GBF1: variants seen among roughly 807,000 people sequenced by gnomAD.
The protein encoded by GBF1 is golgi brefeldin A resistant guanine nucleotide exchange factor 1.
Under a neutral mutation model 210.5 loss-of-function variants are expected in GBF1, and 114 were observed. The observed-to-expected ratio is 0.54, with a 90% CI of 0.47 to 0.63. The LOEUF is 0.63. GBF1 is among the 30% of genes least tolerant of loss of function. GBF1 has a pLI of 0.00. For synonymous variants in GBF1, 850 were observed against 889.2 expected, an observed-to-expected ratio of 0.96 and a Z score of 0.78; for missense variants, 1,851 against 2,357.7, an observed-to-expected ratio of 0.79 and a Z score of 4.45.
Position 102,259,822 on chromosome 10 carries a change from T to C in GBF1, c.97-228T>C, listed in dbSNP as rs2072959425. Among the ~76,000 whole-genome samples the C allele has an allele frequency of 2.0e-5, 3 of 152,340 alleles. 1 individual carries two copies. The South Asian group carries it at 6.2e-4, about 32-fold the overall frequency. On this transcript the variant is annotated intron_variant, in intron 2 of 39. Coordinates refer to ENST00000369983, the MANE Select transcript of GBF1 (RefSeq NM_001377137.1). Reference sequence around the variant, plus strand: ...TAGCTTGAGTGTTATGGTGATGATATAGATTAGCACTTAAGAATTCACTAT... The same window carrying C: ...TAGCTTGAGTGTTATGGTGATGATACAGATTAGCACTTAAGAATTCACTAT...
chr10:102,380,194 A>G, intron 36 of GBF1, 55 bp from the exon 37 acceptor site: 3 of 1,130,676 alleles, frequency 2.7e-6, no homozygotes, highest in Middle Eastern at 2.0e-4. Context: ...AGCCTCAGAG[A>G]GGGGTCCAGA....
the GBF1 span, among the ~76,000 whole-genome samples, chr10:102,239,962 A>G: frequency 6.6e-6 from 1 of 152,238 alleles, no homozygotes; most frequent in Non-Finnish European, 1.5e-5. Flanking sequence ...TCTGGATTCC[A>G]TGAGCCTCCT....
chr10:102,381,065 T>G lies in GBF1; in HGVS notation c.5174-62T>G, dbSNP rs565656271. On this transcript the variant is annotated intron_variant, in intron 38 of 39. Transcript: ENST00000369983. ...GTGGGTAGAAAGGCTGTTGGGTAGC[T>G]AGGGCTCTGCTGGAGAGAGAAAGCA... The G allele has an allele frequency of 4.9e-4, 763 of 1,542,562 alleles. 6 individuals are homozygous for G. The African/African-American group carries it at 9.5e-3, about 19-fold the overall frequency.
intron 3 of GBF1, among the ~76,000 whole-genome samples, chr10:102,308,500 A>C (rs2078120423): frequency 1.3e-5 from 2 of 152,318 alleles, no homozygotes; most frequent in South Asian, 4.1e-4. Flanking sequence ...GATAGACCGG[A>C]TTAAGAAAAT....
intron 4 of GBF1, among the ~76,000 whole-genome samples, chr10:102,346,322 T>C (rs960845375): frequency 6.6e-6 from 1 of 152,096 alleles, no homozygotes; most frequent in East Asian, 1.9e-4. Context: ...ATTTCTGAAC[T>C]TGGAATTTCT....
chr10:102,285,852 G>A (rs2075888940), intron 3 of GBF1, among the ~76,000 whole-genome samples: 1 of 151,632 alleles, frequency 6.6e-6, no homozygotes, highest in Admixed American at 6.6e-5. Context: ...TATATGTTGA[G>A]TGGTAGGTTT....
the GBF1 span, among the ~76,000 whole-genome samples, chr10:102,236,367 T>G: frequency 2.0e-5 from 3 of 152,200 alleles, no homozygotes; most frequent in Non-Finnish European, 1.5e-5. Flanking sequence ...ATAACAGTGA[T>G]GGTGAGTCCA....
intron 33 of GBF1, among the ~76,000 whole-genome samples, chr10:102,377,376 G>A (rs2060569205): frequency 1.3e-5 from 2 of 148,932 alleles, no homozygotes; most frequent in Admixed American, 6.7e-5. Context: ...TATTTTTTGA[G>A]ATGTAGTCTC....
chr10:102,318,614 C>A (rs1343733845), intron 3 of GBF1, among the ~76,000 whole-genome samples: 1 of 151,950 alleles, frequency 6.6e-6, no homozygotes, highest in Non-Finnish European at 1.5e-5. Context: ...ATTTTTATTT[C>A]TCTTTAGGTA....
chr10:102,305,750 T>C (rs2077805161), intron 3 of GBF1, among the ~76,000 whole-genome samples: 1 of 152,196 alleles, frequency 6.6e-6, no homozygotes, highest in Admixed American at 6.5e-5. Context: ...AGAAATAAAT[T>C]CGAGTCCTTT....
chr10:102,369,737 C>T lies in GBF1; in HGVS notation c.3177C>T (p.Gly1059=), dbSNP rs998615247. 1.2e-6 allele frequency: 2 copies of T among 1,614,014 alleles called. No homozygotes were observed. The highest frequency in any genetic ancestry group is 1.3e-5 in the African/African-American group (1 of 74,930). ...TAGAAGATTTCGTGGATCCCAATGG[C>T]AAGATCTCTCTACAGCGGGAAGAGA... ...IEVEDFVDPN[G]KISLQREETP... is the part of the protein sequence containing the mutation. The change falls in exon 25 of 40, where the codon GGC becomes GGT. Residue 1059 remains glycine, a synonymous_variant. Coordinates refer to ENST00000369983, the MANE Select transcript of GBF1 (RefSeq NM_001377137.1).
the GBF1 span, among the ~76,000 whole-genome samples, chr10:102,239,883 T>A: frequency 1.2e-4 from 19 of 152,160 alleles, no homozygotes; most frequent in Non-Finnish European, 2.6e-4. Flanking sequence ...ACCCGGCTGT[T>A]AGGTAGGGCC....
chr10:102,254,287 T>G (rs911653851), intron 1 of GBF1, among the ~76,000 whole-genome samples: 2 of 152,184 alleles, frequency 1.3e-5, no homozygotes, highest in Non-Finnish European at 2.9e-5. Flanking sequence ...TTGTCCCAGC[T>G]ACCCAAGAGG....
intron 3 of GBF1, among the ~76,000 whole-genome samples, chr10:102,274,178 C>T (rs1405373522): frequency 1.3e-5 from 2 of 152,174 alleles, no homozygotes; most frequent in Non-Finnish European, 2.9e-5. Context: ...TTGAGAAGCT[C>T]TGGAATTTGA....
chr10:102,265,276 G>A (rs1283829762), intron 3 of GBF1, among the ~76,000 whole-genome samples: 1 of 152,150 alleles, frequency 6.6e-6, no homozygotes, highest in Non-Finnish European at 1.5e-5. Flanking sequence ...GTAGTCATTT[G>A]CCTCCAGATA....
chr10:102,365,630 G>T lies in GBF1; in HGVS notation c.2309+31G>T, dbSNP rs186261934. 1.9e-4 allele frequency: 306 copies of T among 1,578,706 alleles called. No individual in the cohort carries two copies. The African/African-American group carries it at 3.4e-3, about 18-fold the overall frequency. On this transcript the variant is annotated intron_variant, in intron 18 of 39. Coordinates refer to ENST00000369983, the MANE Select transcript of GBF1 (RefSeq NM_001377137.1). ...GAAGCTGTAAGAAATGTGGGATATA[G>T]CCAGGTATGGTGGCTCATGCCTGTA...
intron 3 of GBF1, among the ~76,000 whole-genome samples, chr10:102,320,453 T>A (rs2056294874): frequency 6.6e-6 from 1 of 152,196 alleles, no homozygotes; most frequent in Non-Finnish European, 1.5e-5. Context: ...TGGGAAATGA[T>A]CTTATATTAG....
In GBF1 at chr10:102,380,351, A is replaced by G; in HGVS notation, c.4981A>G (p.Ser1661Gly). 1 of 1,611,920 alleles carries G rather than the reference A, an allele frequency of 6.2e-7. No individual in the cohort carries two copies. The highest frequency in any genetic ancestry group is 8.5e-7 in the Non-Finnish European group (1 of 1,178,108). ...GGACAAGTACATGCACGCAGGCTCCAGCGACTTACTGGTATGTTCTACCTC... is the reference window on the plus strand; with the variant it reads ...GGACAAGTACATGCACGCAGGCTCCGGCGACTTACTGGTATGTTCTACCTC... ...FMDKYMHAGSSDLLSEAIPES... is the reference protein window; with the variant it reads ...FMDKYMHAGSGDLLSEAIPES... The change falls in exon 37 of 40, where the codon AGC becomes GGC. Residue 1661 changes from serine to glycine, a missense_variant. By Grantham distance (56) the Ser-to-Gly change is moderately conservative. Around this residue, in one of 3 missense-constraint regions of GBF1, gnomAD observed 967 missense variants for 1,247.7 expected, o/e 0.78. Transcript: ENST00000369983.
At chr10:102,277,384 C>A (rs1460327771) in intron 3 of GBF1, among the ~76,000 whole-genome samples, 1 of 147,494 alleles carries the variant, frequency 6.8e-6, no homozygotes, top group Non-Finnish European at 1.5e-5. Flanking sequence ...AGGTTATATA[C>A]ATTGTGACTT....
Sources: allele counts gnomAD v4.1 joint callset (sites outside exome capture counted in the v4.1 genomes callset), GRCh38; gene constraint gnomAD v4.1.1; regional missense constraint gnomAD v4.1.1; transcripts MANE v1.5; gene names NCBI Gene and HGNC (gene_info 2026-07-23, HGNC 2026-07-21).